ARID1B: variants seen among roughly 807,000 people sequenced by gnomAD.
ARID1B encodes AT-rich interaction domain 1B, also known as AT-rich interactive domain-containing protein 1B.
Under a neutral mutation model 212.3 loss-of-function variants are expected in ARID1B, and 30 were observed. The observed-to-expected ratio is 0.14, with a 90% CI of 0.11 to 0.19. The LOEUF is 0.19. Ranked by LOEUF, ARID1B falls within the 10% of genes least tolerant of loss-of-function variation. ARID1B has a pLI of 1.00. For synonymous variants in ARID1B, 1,402 were observed against 1,301.7 expected (o/e 1.08, Z -1.66); for missense variants, 2,891 against 3,204.0 (o/e 0.90, Z 2.36).
At chr6:157,029,399 G>T (rs1040248146) in intron 4 of ARID1B, among the ~76,000 whole-genome samples, 1 of 152,086 alleles carries the variant, frequency 6.6e-6, no homozygotes, top group African/African-American at 2.4e-5. Context: ...AGTCTTTAGC[G>T]CATTCATTCA....
At chr6:156,909,123 C>CTTTTTTTTTTTTTTTTTTTTTTTTTCCTT (rs60183999) in intron 3 of ARID1B, among the ~76,000 whole-genome samples, 1 of 108,822 alleles carries the variant, frequency 9.2e-6, no homozygotes, top group Admixed American at 1.0e-4. Context: ...TTTTCTTTCT[C>CTTTTTTTTTTTTTTTTTTTTTTTTTCCTT]TTTTTTTTTT....
At chr6:156,830,040 CT>C (rs1293164439) in intron 2 of ARID1B, among the ~76,000 whole-genome samples, 5 of 151,894 alleles carry the variant, frequency 3.3e-5, no homozygotes, top group African/African-American at 4.8e-5. Flanking sequence ...CAACATTTTC[CT>C]TTTTTTTCTC....
intron 4 of ARID1B, among the ~76,000 whole-genome samples, chr6:157,079,778 T>A (rs1216362461): frequency 6.6e-6 from 1 of 152,194 alleles, no homozygotes; most frequent in African/African-American, 2.4e-5. Context: ...AACAATCATA[T>A]CCATTTTGTC....
chr6:157,030,972 TTCAGCCG>T (rs1230353707), intron 4 of ARID1B, among the ~76,000 whole-genome samples: 1 of 152,158 alleles, frequency 6.6e-6, no homozygotes, highest in Non-Finnish European at 1.5e-5. Flanking sequence ...AGCCATGTCC[TTCAGCCG>T]TCATGTGGTC....
rs1562303642 is a variant in ARID1B at position 157,148,565 on chromosome 6, A to G, written c.2762-59A>G. The G allele has an allele frequency of 1.3e-6, 2 of 1,528,704 alleles. No individual in the cohort carries two copies. 94.7% of individuals were successfully genotyped at this position (1,528,704 alleles called of 1,614,324 possible). On this transcript the variant is annotated intron_variant, in intron 7 of 19. Transcript: ENST00000636930. This position sits in a 1 kb window ranked among gnomAD's most constrained non-coding sequence, Gnocchi z 5.6. ...GCATTGTTGGACAAAAAGTATTTCC[A>G]GTGAATGTTGTCACAAGTTTAAATA...
At chr6:157,102,604 CTTTTTTTTTT>C (rs35977420) in intron 5 of ARID1B, among the ~76,000 whole-genome samples, 3 of 66,250 alleles carry the variant, frequency 4.5e-5, no homozygotes, top group African/African-American at 1.7e-4. Context: ...CTGAGTGGTT[CTTTTTTTTTT>C]TTTTTTTTTT....
intron 7 of ARID1B, among the ~76,000 whole-genome samples, chr6:157,145,894 T>G (rs932181830): frequency 6.6e-6 from 1 of 152,174 alleles, no homozygotes; most frequent in Non-Finnish European, 1.5e-5. Flanking sequence ...ATTAAGTGAG[T>G]TAACACAAAG....
chr6:157,171,859 T>C (rs1484251047), intron 9 of ARID1B, among the ~76,000 whole-genome samples: 2 of 152,260 alleles, frequency 1.3e-5, no homozygotes, highest in African/African-American at 2.4e-5. Context: ...TCTGTATGCT[T>C]ACAAGTTGCG....
At chr6:156,876,362 G>A (rs1286727567) in intron 2 of ARID1B, among the ~76,000 whole-genome samples, 2 of 152,134 alleles carry the variant, frequency 1.3e-5, no homozygotes, top group East Asian at 1.9e-4. Flanking sequence ...TTGCCTTGTG[G>A]ACTTGGGCCT....
chr6:157,105,760 C>T (rs1400708105), intron 5 of ARID1B, among the ~76,000 whole-genome samples: 1 of 152,114 alleles, frequency 6.6e-6, no homozygotes, highest in East Asian at 1.9e-4. Context: ...CATCACCATA[C>T]CTGGCTAATT....
Position 156,966,770 on chromosome 6 carries a change from G to A in ARID1B, c.2247+31194G>A, listed in dbSNP as rs150130416. On this transcript the variant is annotated intron_variant, in intron 4 of 19. Coordinates refer to ENST00000636930, the MANE Select transcript of ARID1B (RefSeq NM_001374828.1). ...GGCTGGAGTGCAGTGGCGCGATCTC[G>A]GCTCACTGCATCCTCCGCCTTTCGG... Among the ~76,000 whole-genome samples, 456 of 152,272 alleles carry A rather than the reference G, an allele frequency of 3.0e-3. 1 individual carries two copies. The highest frequency in any genetic ancestry group is 4.8e-3 in the Non-Finnish European group (327 of 68,022).
rs114502212 is a variant in ARID1B at position 156,948,598 on chromosome 6, C to T, written c.2247+13022C>T. Among the ~76,000 whole-genome samples, 457 of 152,320 alleles carry T rather than the reference C, an allele frequency of 3.0e-3. 3 individuals are homozygous for T. Among genetic ancestry groups the T allele is most frequent in the African/African-American group, 8.7e-3 (361 of 41,574 alleles). ...GCCAGCATGCCTAAATGTTGACATCCTCAATTAAGACACAGTATCTTGTCT... is the reference window on the plus strand; with the variant it reads ...GCCAGCATGCCTAAATGTTGACATCTTCAATTAAGACACAGTATCTTGTCT... On this transcript the variant is annotated intron_variant, in intron 4 of 19. Transcript: ENST00000636930.
At chr6:157,189,964 TTCA>T in intron 14 of ARID1B, 71 bp from the exon 15 acceptor site, 2 of 1,585,354 alleles carry the variant, frequency 1.3e-6, no homozygotes, top group Non-Finnish European at 1.7e-6. Context: ...TCAAGATGGG[TTCA>T]TCTTCTGAAT....
In ARID1B at chr6:157,119,035, T is replaced by G. The variant is rs542281759; in HGVS notation, c.2581+8474T>G. The stretch of plus-strand genomic sequence containing the variant: ...AACACTTTTTCCTGTTCCTTTTGTG[T>G]TTTTTCTGTCTCAGTGAAAAACCGT... On this transcript the variant is annotated intron_variant, in intron 6 of 19. Transcript: ENST00000636930. Among the ~76,000 whole-genome samples the G allele has an allele frequency of 4.6e-5, 7 of 152,290 alleles. No individual in the cohort carries two copies. The South Asian group carries it at 1.2e-3, about 27-fold the overall frequency.
In ARID1B at chr6:157,208,182, A is replaced by T. The variant is rs535701795; in HGVS notation, c.*291A>T. ...AAAGGTCACTTTTTGTTCTTCACAGATCTTTTTAATGTTCTTTCCCATGTT... is the reference window on the plus strand; with the variant it reads ...AAAGGTCACTTTTTGTTCTTCACAGTTCTTTTTAATGTTCTTTCCCATGTT... On this transcript the variant is annotated 3_prime_UTR_variant, in exon 20 of 20. Coordinates refer to ENST00000636930, the MANE Select transcript of ARID1B (RefSeq NM_001374828.1). 1 of 295,638 alleles carries T rather than the reference A, an allele frequency of 3.4e-6. No homozygotes were observed. Among genetic ancestry groups the T allele is most frequent in the Non-Finnish European group, 6.2e-6 (1 of 161,374 alleles). The allele number at this position is 295,638 out of a possible 1,614,324, so 18.3% of individuals were successfully genotyped here.
At chr6:157,124,615 C>T (rs1583350697) in intron 6 of ARID1B, among the ~76,000 whole-genome samples, 1 of 152,300 alleles carries the variant, frequency 6.6e-6, no homozygotes. Context: ...CTATGCCTCC[C>T]ATTAGTGGAT....
At chr6:157,045,511 G>A (rs1267629449) in intron 4 of ARID1B, among the ~76,000 whole-genome samples, 1 of 152,088 alleles carries the variant, frequency 6.6e-6, no homozygotes, top group East Asian at 1.9e-4. Flanking sequence ...CTGTCACCCA[G>A]GCTGGAGTGC....
intron 1 of ARID1B, among the ~76,000 whole-genome samples, chr6:156,805,705 A>AT (rs887119080): frequency 1.6e-4 from 24 of 151,034 alleles, no homozygotes; most frequent in African/African-American, 2.7e-4. Context: ...ATTTAATTTT[A>AT]TTTTTTTTTA....
chr6:156,784,315 G>A (rs1372557323), intron 1 of ARID1B, among the ~76,000 whole-genome samples: 1 of 152,086 alleles, frequency 6.6e-6, no homozygotes, highest in Non-Finnish European at 1.5e-5. Context: ...GAGGCACCAG[G>A]CAAAACTGTT....
Sources: allele counts gnomAD v4.1 joint callset (sites outside exome capture counted in the v4.1 genomes callset), GRCh38; gene constraint gnomAD v4.1.1; non-coding constraint Gnocchi (gnomAD v3.1); transcripts MANE v1.5; gene names NCBI Gene and HGNC (gene_info 2026-07-23, HGNC 2026-07-21).